The following SGSH variants were observed in gnomAD, a reference collection of about 807,000 sequenced individuals.
SGSH encodes the protein N-sulfoglucosamine sulfohydrolase.
Under a neutral mutation model 51.0 loss-of-function variants are expected in SGSH, and 48 were observed. That is an observed-to-expected ratio of 0.94 (90% confidence interval 0.75 to 1.20). The LOEUF (loss-of-function observed/expected upper bound fraction) is 1.20, where lower values mean the gene tolerates loss of function less well. SGSH is among the 50% of genes most tolerant of loss of function. The pLI is 0.00. For synonymous variants in SGSH, 321 were observed against 313.4 expected (o/e 1.02, Z -0.26); for missense variants, 662 against 717.8 (o/e 0.92, Z 0.89).
downstream of SGSH, chr17:80,207,793 C>T (rs55908102): frequency 0.041 from 10,892 of 267,670 alleles, 275 homozygotes; most frequent in African/African-American, 0.063. Flanking sequence ...GAACCCCACC[C>T]GGCCTCAGCT....
chr17:80,214,003 C>G, intron 5 of SGSH, 118 bp from the exon 6 acceptor site: 1 of 1,310,934 alleles, frequency 7.6e-7, no homozygotes, highest in South Asian at 1.3e-5. Context: ...CTCCGGACCA[C>G]CCCGTCTCTC....
intron 3 of SGSH, 97 bp from the exon 4 acceptor site, chr17:80,214,862 C>G: frequency 2.7e-6 from 4 of 1,456,942 alleles, no homozygotes; most frequent in Non-Finnish European, 3.8e-6. Context: ...ACTGTGGGTT[C>G]TCGTGGACAC....
chr17:80,216,970 G>C, intron 2 of SGSH, 62 bp downstream of exon 2: 1 of 1,458,980 alleles, frequency 6.9e-7, no homozygotes, highest in Non-Finnish European at 9.2e-7. Context: ...GCAGAGGCCT[G>C]GGCCCCGGAC....
At chr17:80,201,636 A>G in the SGSH span, 2 of 1,176,844 alleles carry the variant, frequency 1.7e-6, no homozygotes, top group Non-Finnish European at 1.3e-6. The surrounding 1 kb of genome is among the most constrained non-coding windows in gnomAD (Gnocchi z 5.0). Context: ...CAGTGGTCCT[A>G]CGGCAGGGCT....
chr17:80,201,786 G>A, downstream of SGSH: 1 of 1,614,054 alleles, frequency 6.2e-7, no homozygotes, highest in Admixed American at 1.7e-5. This position sits in a 1 kb window ranked among gnomAD's most constrained non-coding sequence, Gnocchi z 5.0. Flanking sequence ...GGCAGTCCTG[G>A]AGGACACGAC....
At chr17:80,208,138 G>T (rs766335810), downstream of SGSH, 2 of 1,536,076 alleles carry the variant, frequency 1.3e-6, no homozygotes, top group African/African-American at 2.7e-5. Flanking sequence ...GCCTGTGCAG[G>T]AAGGGCCTAC....
At chr17:80,203,659 A>G, downstream of SGSH, 1 of 555,116 alleles carries the variant, frequency 1.8e-6, no homozygotes, top group Non-Finnish European at 3.2e-6. The surrounding 1 kb of genome is among the most constrained non-coding windows in gnomAD (Gnocchi z 4.6). Context: ...CATGGCCGCC[A>G]GGATGGAGCG....
Position 80,212,393 on chromosome 17 carries a change from C to T in SGSH, c.746-119G>A, listed in dbSNP as rs1458623343. 29 of 855,822 alleles carry T rather than the reference C, an allele frequency of 3.4e-5. No individual in the cohort carries two copies. Among genetic ancestry groups the T allele is most frequent in the Non-Finnish European group, 5.2e-5 (27 of 523,774 alleles). 53.0% of individuals were successfully genotyped at this position (855,822 alleles called of 1,614,324 possible). A position where few individuals can be genotyped will look rare whatever the true frequency, so the allele number is the denominator to read the frequency against. Reference sequence around the variant, plus strand: ...GCTGGGCTCCAGCGCTTTCCGGATTCGAAAGCACCCTGTAGTTCTTCCCAA... The same window carrying T: ...GCTGGGCTCCAGCGCTTTCCGGATTTGAAAGCACCCTGTAGTTCTTCCCAA... On this transcript the variant is annotated intron_variant, in intron 6 of 7. Transcript: ENST00000326317. The surrounding 1 kb of genome is among the most constrained non-coding windows in gnomAD (Gnocchi z 5.9).
the SGSH span, chr17:80,201,433 C>T: frequency 1.7e-5 from 6 of 353,948 alleles, no homozygotes; most frequent in Non-Finnish European, 2.1e-5. This position sits in a 1 kb window ranked among gnomAD's most constrained non-coding sequence, Gnocchi z 5.0. Flanking sequence ...GTTCTAGAAC[C>T]GAGGTTCTTT....
rs755122392 is a variant in SGSH, at chr17:80,215,080, T to C, written c.308A>G (p.Lys103Arg). The change falls in exon 3 of 8, where the codon AAG becomes AGG. Residue 103 changes from lysine to arginine, a missense_variant. Coordinates refer to ENST00000326317, the MANE Select transcript of SGSH (RefSeq NM_000199.5). ...QDVHHFNSFD[K>R]VRSLPLLLSQ... is the part of the protein sequence containing the mutation. ...GAGCAGCAGCGGCAGGCTCCGCACCTTGTCGAAGGAGTTGAAGTGGTGCAC... is the reference window on the plus strand; with the variant it reads ...GAGCAGCAGCGGCAGGCTCCGCACCCTGTCGAAGGAGTTGAAGTGGTGCAC... 49 of 1,612,248 alleles carry C rather than the reference T, an allele frequency of 3.0e-5. No individual in the cohort carries two copies. Among genetic ancestry groups the C allele is most frequent in the Admixed American group, 6.7e-5 (4 of 59,998 alleles).
rs529571746 is a variant in SGSH, at chr17:80,220,247, G to A, written c.67C>T (p.Arg23Trp). 6.4e-5 allele frequency: 97 copies of A among 1,523,114 alleles called. 1 individual carries two copies. The South Asian group carries it at 7.6e-4, about 12-fold the overall frequency. 94.3% of individuals were successfully genotyped at this position (1,523,114 alleles called of 1,614,324 possible). Reference sequence around the variant, plus strand: ...TCACCGAGGAGCAGCAGTGCGTTCCGGGGACGCGCCCGGCAGAGCCCCAGG... The same window carrying A: ...TCACCGAGGAGCAGCAGTGCGTTCCAGGGACGCGCCCGGCAGAGCCCCAGG... ...LVLGLCRARPRNALLLLADDG... is the reference protein window; with the variant it reads ...LVLGLCRARPWNALLLLADDG... Residue 23 changes from arginine to tryptophan, a missense_variant, in exon 1 of 8, where the codon CGG becomes TGG. Transcript: ENST00000326317.
downstream of SGSH, chr17:80,205,538 G>A: frequency 6.3e-7 from 1 of 1,585,816 alleles, no homozygotes; most frequent in African/African-American, 1.3e-5. Context: ...TAGAGTACTT[G>A]AGCCAGGAGG....
At chr17:80,202,558 A>G (rs1242912477), downstream of SGSH, 9 of 1,454,352 alleles carry the variant, frequency 6.2e-6, no homozygotes, top group East Asian at 2.2e-4. Flanking sequence ...GAAGCCTGCC[A>G]AGATCACTGC....
Position 80,210,049 on chromosome 17 carries a change from C to T in SGSH, c.*403G>A. ...AAGGGTTCAGAAGTATCTGTGGCTGCCAAAGCCTGAAGAGGGCCTCAGGCC... is the reference window on the plus strand; with the variant it reads ...AAGGGTTCAGAAGTATCTGTGGCTGTCAAAGCCTGAAGAGGGCCTCAGGCC... On this transcript the variant is annotated 3_prime_UTR_variant, in exon 8 of 8. Coordinates refer to ENST00000326317, the MANE Select transcript of SGSH (RefSeq NM_000199.5). 2.7e-6 allele frequency: 3 copies of T among 1,106,266 alleles called. No homozygotes were observed. The highest frequency in any genetic ancestry group is 4.2e-4 in the Middle Eastern group (1 of 2,384). 68.5% of individuals were successfully genotyped at this position (1,106,266 alleles called of 1,614,324 possible).
chr17:80,201,147 C>G, the SGSH span: 1 of 153,612 alleles, frequency 6.5e-6, no homozygotes, highest in Admixed American at 6.4e-5. The surrounding 1 kb of genome is among the most constrained non-coding windows in gnomAD (Gnocchi z 5.0). Context: ...CCTAAGGGGG[C>G]CAATTAGATT....
downstream of SGSH, chr17:80,207,118 C>T (rs757227259): frequency 7.9e-6 from 12 of 1,520,508 alleles, no homozygotes; most frequent in Middle Eastern, 1.7e-4. Flanking sequence ...GCAGGGGCTT[C>T]GAAGCGGCTC....
At chr17:80,217,559 C>A (rs1020402255) in intron 1 of SGSH, among the ~76,000 whole-genome samples, 1 of 152,082 alleles carries the variant, frequency 6.6e-6, no homozygotes, top group Non-Finnish European at 1.5e-5. Context: ...AGCAAGCAGG[C>A]AGGGTGCCCA....
downstream of SGSH, chr17:80,202,458 G>C (rs1423578332): frequency 3.1e-6 from 5 of 1,594,504 alleles, no homozygotes; most frequent in African/African-American, 2.7e-5. Context: ...TCCCCAGAGA[G>C]GCCCACAGGG....
rs777843748 is a variant in SGSH at position 80,214,189 on chromosome 17, C to T, written c.646G>A (p.Asp216Asn). 10 of 1,610,670 alleles carry T rather than the reference C, an allele frequency of 6.2e-6. No homozygotes were observed. The highest frequency in any genetic ancestry group is 3.3e-5 in the South Asian group (3 of 90,504). Residue 216 changes from aspartate to asparagine, a missense_variant, in exon 5 of 8, where the codon GAC (aspartate) becomes AAC (asparagine). Coordinates refer to ENST00000326317, the MANE Select transcript of SGSH (RefSeq NM_000199.5). ...CGTCCTACCAGCACGTCCAGTGGGT[C>T]GTAGGCCTGGGGGGTCCAGTCTGGG... ...RIPDWTPQAY[D>N]PLDVLVPYFV... is the part of the protein sequence containing the mutation.
Sources: gnomAD v4.1 joint callset for allele counts (sites outside exome capture counted in the v4.1 genomes callset) on GRCh38, gnomAD v4.1.1 for gene constraint, Gnocchi (gnomAD v3.1) non-coding constraint, MANE v1.5 for transcripts, NCBI Gene and HGNC (gene_info 2026-07-23, HGNC 2026-07-21) for gene names.